The following REST variants were observed in gnomAD, a reference collection of about 807,000 sequenced individuals.
REST encodes the protein RE1-silencing transcription factor.
REST carries 1 observed loss-of-function variant against 30.4 expected under a neutral mutation model. The ratio of observed to expected loss-of-function variants is 0.03; its 90% CI spans 0.01 to 0.16. The LOEUF (loss-of-function observed/expected upper bound fraction) is 0.16. REST is among the 10% of genes least tolerant of loss of function. REST has a pLI of 1.00. For missense variants in REST, 1,259 were observed against 1,329.5 expected (o/e 0.95, Z 0.82); for synonymous variants, 504 against 451.1 (o/e 1.12, Z -1.49).
intron 2 of REST, among the ~76,000 whole-genome samples, chr4:56,915,172 C>T (rs530613286): frequency 3.0e-4 from 45 of 150,584 alleles, no homozygotes; most frequent in Admixed American, 2.6e-4. Flanking sequence ...ATCCACCCGC[C>T]GCGGCCTCCC....
intron 3 of REST, chr4:56,927,604 C>A: frequency 9.0e-7 from 1 of 1,113,672 alleles, no homozygotes; most frequent in Non-Finnish European, 1.1e-6. Flanking sequence ...CTATGCATTC[C>A]ATTGGACCAG....
intron 2 of REST, among the ~76,000 whole-genome samples, chr4:56,915,430 A>G (rs1035587302): frequency 3.3e-5 from 5 of 151,404 alleles, no homozygotes; most frequent in Non-Finnish European, 7.4e-5. Context: ...AAAAATTTTT[A>G]GTAGAGACAG....
intron 3 of REST, among the ~76,000 whole-genome samples, chr4:56,928,589 T>C (rs185051111): frequency 6.6e-4 from 99 of 150,594 alleles, no homozygotes; most frequent in Non-Finnish European, 1.0e-3. Context: ...CTAATTTTTT[T>C]TTTTTTTTCT....
chr4:56,930,610 G>A lies in REST; in HGVS notation c.1752G>A (p.Leu584=). 6.2e-7 allele frequency: 1 copy of A among 1,612,820 alleles called. No individual in the cohort carries two copies. The highest frequency in any genetic ancestry group is 8.5e-7 in the Non-Finnish European group (1 of 1,179,856). The change falls in exon 4 of 4, where the codon CTG becomes CTA. Residue 584 remains leucine, a synonymous_variant. Transcript: ENST00000309042. The part of the protein sequence containing the change: ...CMKKSTKKKT[L]KNKSSKKSSK... The stretch of plus-strand genomic sequence containing the variant: ...AAAAAAGTACAAAGAAGAAAACTCT[G>A]AAAAATAAATCAAGTAAGAAAAGCA...
At position 56,932,149 on chromosome 4, in the gene REST, G is replaced by C; in HGVS notation, c.3291G>C (p.Glu1097Asp). Residue 1097 changes from glutamate (E) to aspartate (D), a missense_variant, in exon 4 of 4, where the codon GAG (glutamate) becomes GAC (aspartate). By Grantham distance (45) the Glu-to-Asp change is conservative (BLOSUM62 2). This residue lies in a region of REST where 25 missense variants were observed against 33.2 expected (regional missense o/e 0.75). Transcript: ENST00000309042. Reference protein sequence around the residue: ...YYLEEAAQGQE With the variant: ...YYLEEAAQGQD ...TTGAAGAAGCAGCTCAAGGGCAGGA[G>C]TAATGAAACTTTGAACAAGGTTTCA... 6.3e-7 allele frequency: 1 copy of C among 1,593,678 alleles called. No homozygotes were observed. The highest frequency in any genetic ancestry group is 8.5e-7 in the Non-Finnish European group (1 of 1,169,598).
chr4:56,915,780 T>G (rs996276031), intron 2 of REST, among the ~76,000 whole-genome samples: 1 of 152,200 alleles, frequency 6.6e-6, no homozygotes, highest in African/African-American at 2.4e-5. Context: ...GTTTTCTGAT[T>G]GGCTTAGTGG....
At chr4:56,915,238 G>GTTTT (rs1312410601) in intron 2 of REST, among the ~76,000 whole-genome samples, 1 of 85,292 alleles carries the variant, frequency 1.2e-5, no homozygotes, top group African/African-American at 5.4e-5. Context: ...GTGTGTGTGT[G>GTTTT]TATTTTTTTT....
chr4:56,923,768 C>T lies in REST; in HGVS notation c.982+3898C>T, dbSNP rs533819616. Among the ~76,000 whole-genome samples, 8 of 152,036 alleles carry T rather than the reference C, an allele frequency of 5.3e-5. No homozygotes were observed. In the South Asian group the frequency reaches 1.7e-3, roughly 32 times the overall value. On this transcript the variant is annotated intron_variant, in intron 3 of 3. Transcript: ENST00000309042. ...AGACTGAGTCTTGCTGTCGCCCAGGCTGGAGTGCAATGGTGCGACCTCGGC... is the reference window on the plus strand; with the variant it reads ...AGACTGAGTCTTGCTGTCGCCCAGGTTGGAGTGCAATGGTGCGACCTCGGC...
rs1720922537 is a variant in REST at position 56,930,739 on chromosome 4, G to T, written c.1881G>T (p.Gln627His). Residue 627 changes from glutamine to histidine, a missense_variant, in exon 4 of 4, where the codon CAG becomes CAT. This residue lies in a region of REST where 856 missense variants were observed against 772.8 expected (regional missense o/e 1.11). Transcript: ENST00000309042. ...PTEAVQKGPV[Q>H]VEPPPPMEHA... ...AGGCGGTTCAGAAGGGGCCCGTTCA[G>T]GTGGAGCCGCCACCTCCCATGGAGC... 3 of 1,601,392 alleles carry T rather than the reference G, an allele frequency of 1.9e-6. No individual in the cohort carries two copies. Among genetic ancestry groups the T allele is most frequent in the Non-Finnish European group, 2.6e-6 (3 of 1,176,442 alleles).
chr4:56,915,528 G>A (rs1482118438), intron 2 of REST, among the ~76,000 whole-genome samples: 4 of 152,074 alleles, frequency 2.6e-5, no homozygotes, highest in East Asian at 1.9e-4. Context: ...AATTACAAGC[G>A]TGAGCCACCA....
Position 56,930,315 on chromosome 4 carries a change from T to A in REST, c.1457T>A (p.Ile486Asn). The A allele has an allele frequency of 6.2e-7, 1 of 1,614,002 alleles. No homozygotes were observed. The highest frequency in any genetic ancestry group is 1.7e-5 in the Admixed American group (1 of 60,006). The change falls in exon 4 of 4, where the codon ATC (isoleucine) becomes AAC (asparagine). Residue 486 changes from isoleucine to asparagine, a missense_variant. Ile to Asn is a moderately radical substitution (Grantham distance 149, BLOSUM62 -3). Transcript: ENST00000309042. ...AAGCCTTCTAATAATGTGTCAGTGATCCAGGTGACTACCAGAACTCGAAAA... is the reference window on the plus strand; with the variant it reads ...AAGCCTTCTAATAATGTGTCAGTGAACCAGGTGACTACCAGAACTCGAAAA... Reference protein sequence around the residue: ...EKKPSNNVSVIQVTTRTRKSV... With the variant: ...EKKPSNNVSVNQVTTRTRKSV...
At position 56,930,516 on chromosome 4, in the gene REST, A is replaced by G. The variant is rs2109574186; in HGVS notation, c.1658A>G (p.Asn553Ser). Residue 553 changes from asparagine (N) to serine (S), a missense_variant, in exon 4 of 4, where the codon AAT becomes AGT. By Grantham distance (46) the Asn-to-Ser change is conservative. Coordinates refer to ENST00000309042, the MANE Select transcript of REST (RefSeq NM_005612.5). Reference protein sequence around the residue: ...KKKKVESKSKNNSQEVPKGDS... With the variant: ...KKKKVESKSKSNSQEVPKGDS... ...AAGAAGGTAGAAAGCAAATCCAAAA[A>G]TAATAGTCAGGAAGTGCCAAAGGGT... 6 of 1,610,956 alleles carry G rather than the reference A, an allele frequency of 3.7e-6. No individual in the cohort carries two copies. Among genetic ancestry groups the G allele is most frequent in the South Asian group, 1.1e-5 (1 of 90,128 alleles).
intron 3 of REST, among the ~76,000 whole-genome samples, chr4:56,922,572 C>T (rs1469087481): frequency 6.6e-6 from 1 of 152,128 alleles, no homozygotes; most frequent in Non-Finnish European, 1.5e-5. Flanking sequence ...CTCAGCCTCC[C>T]AACGTGCTGG....
intron 1 of REST, chr4:56,908,798 C>G (rs149300866): frequency 0.073 from 11,150 of 151,924 alleles, 464 homozygotes; most frequent in African/African-American, 0.09. Flanking sequence ...TCCGGCCACC[C>G]GACCGCTGGA....
At chr4:56,929,722 G>C (rs1393233489) in intron 3 of REST, 119 bp from the exon 4 acceptor site, 1 of 772,666 alleles carries the variant, frequency 1.3e-6, no homozygotes, top group African/African-American at 1.8e-5. Flanking sequence ...TAAATGTAAG[G>C]TGCATGATAC....
At position 56,934,715 on chromosome 4, in the gene REST, C is replaced by T. The variant is rs1721089160; in HGVS notation, c.*2563C>T. ...AACTTTTTTATTTTCTAGTCCCCCT[C>T]CCCCACACTGGATAGAATTTAGCCT... is the stretch of plus-strand genomic sequence containing the variant. On this transcript the variant is annotated 3_prime_UTR_variant, in exon 4 of 4. Coordinates refer to ENST00000309042, the MANE Select transcript of REST (RefSeq NM_005612.5). 6.6e-6 allele frequency: 1 copy of T among 152,054 alleles called. No individual in the cohort carries two copies. The highest frequency in any genetic ancestry group is 6.6e-5 in the Admixed American group (1 of 15,258). The allele number at this position is 152,054 out of a possible 1,614,324, so 9.4% of individuals were successfully genotyped here. A position where few individuals can be genotyped will look rare whatever the true frequency, so the allele number is the denominator to read the frequency against.
At chr4:56,926,824 C>T (rs570277730) in intron 3 of REST, among the ~76,000 whole-genome samples, 3 of 151,924 alleles carry the variant, frequency 2.0e-5, no homozygotes, top group South Asian at 2.1e-4. Flanking sequence ...AGGCCGGGCG[C>T]GGTGGCTCAC....
At chr4:56,927,090 C>G (rs935261557) in intron 3 of REST, among the ~76,000 whole-genome samples, 38 of 136,062 alleles carry the variant, frequency 2.8e-4, no homozygotes, top group Non-Finnish European at 4.3e-4. Context: ...GAGTGAAACT[C>G]CATCTCAAGA....
intron 2 of REST, among the ~76,000 whole-genome samples, chr4:56,919,319 A>G (rs1267102963): frequency 2.6e-5 from 4 of 152,066 alleles, no homozygotes; most frequent in African/African-American, 9.7e-5. Context: ...ATTCTCACTC[A>G]GAAGTATTGT....
Sources: allele counts gnomAD v4.1 joint callset (sites outside exome capture counted in the v4.1 genomes callset), GRCh38; gene constraint gnomAD v4.1.1; regional missense constraint gnomAD v4.1.1; transcripts MANE v1.5; gene names NCBI Gene and HGNC (gene_info 2026-07-23, HGNC 2026-07-21).